The following ABCA9 variants were observed in gnomAD, a reference collection of about 807,000 sequenced individuals.
ABCA9 encodes the protein ATP-binding cassette sub-family A member 9.
ABCA9 carries 183 observed loss-of-function variants against 205.3 expected under a neutral mutation model. That is an observed-to-expected ratio of 0.89 (90% confidence interval 0.79 to 1.01). The LOEUF (loss-of-function observed/expected upper bound fraction) is 1.01. Ranked by LOEUF, ABCA9 falls within the 50% of genes least tolerant of loss-of-function variation. ABCA9 has a pLI of 0.00. For missense variants in ABCA9, 1,805 were observed against 1,912.4 expected (o/e 0.94, Z 1.05); for synonymous variants, 651 against 683.3 (o/e 0.95, Z 0.74).
chr17:69,026,585 C>G (rs2070995528), intron 15 of ABCA9, 118 bp from the exon 16 acceptor site: 3 of 934,656 alleles, frequency 3.2e-6, no homozygotes, highest in Admixed American at 2.3e-5. Flanking sequence ...TAGATATACT[C>G]TAATTCTGGC....
At chr17:69,005,386 T>G (rs548557907) in intron 25 of ABCA9, among the ~76,000 whole-genome samples, 2 of 152,332 alleles carry the variant, frequency 1.3e-5, no homozygotes, top group South Asian at 4.1e-4. Flanking sequence ...CACAGTCCAA[T>G]TCAGTCCAGA....
the ABCA9 span, among the ~76,000 whole-genome samples, chr17:69,067,342 T>C: frequency 6.6e-6 from 1 of 151,722 alleles, no homozygotes; most frequent in Admixed American, 6.6e-5. Context: ...AGTCCAGAAG[T>C]TCAGACCAGC....
In ABCA9 at chr17:68,985,123, A is replaced by C. The variant is rs968853350; in HGVS notation, c.4214T>G (p.Val1405Gly). 1 of 1,614,082 alleles carries C rather than the reference A, an allele frequency of 6.2e-7. No individual in the cohort carries two copies. The highest frequency in any genetic ancestry group is 1.3e-5 in the African/African-American group (1 of 74,936). Reference protein sequence around the residue: ...GDAMIAITRLVDALKLQDQLK... With the variant: ...GDAMIAITRLGDALKLQDQLK... ...CTGGTCCTGCAGCTTGAGCGCATCC[A>C]CTAACCTGAAGAAAACAGAGTCAAT... The change falls in exon 33 of 39, where the codon GTG becomes GGG. Residue 1405 changes from valine (V) to glycine (G), a missense_variant. Transcript: ENST00000340001.
chr17:69,051,400 T>G, intron 1 of ABCA9: 1 of 405,970 alleles, frequency 2.5e-6, no homozygotes, highest in Non-Finnish European at 4.4e-6. Context: ...GTGTCGATCG[T>G]TGCTATCTCC....
chr17:68,991,043 T>C, intron 28 of ABCA9, 86 bp from the exon 29 acceptor site: 1 of 1,467,712 alleles, frequency 6.8e-7, no homozygotes, highest in Non-Finnish European at 9.2e-7. Context: ...ACTTCCAATT[T>C]TTGGAGTAGA....
At chr17:69,060,411 C>A (rs915404967) in intron 1 of ABCA9, among the ~76,000 whole-genome samples, 3 of 152,100 alleles carry the variant, frequency 2.0e-5, no homozygotes, top group Non-Finnish European at 2.9e-5. Context: ...CAATAAAAAT[C>A]TTTCCTTAAG....
chr17:68,996,099 TA>T lies in ABCA9; in HGVS notation c.3436-86del, dbSNP rs952354342. ...TTCTAAGAGGGTGGGAATTCATTTA[TA>T]AACGTTGTTATTTTCAATTTCACTC... On this transcript the variant is annotated intron_variant, in intron 25 of 38. Coordinates refer to ENST00000340001, the MANE Select transcript of ABCA9 (RefSeq NM_080283.4). 6.3e-6 allele frequency: 9 copies of T among 1,417,770 alleles called. No individual in the cohort carries two copies. The African/African-American group carries it at 1.3e-4, about 20-fold the overall frequency. The allele number at this position is 1,417,770 out of a possible 1,614,324, so 87.8% of individuals were successfully genotyped here.
At chr17:69,004,964 C>T (rs889801264) in intron 25 of ABCA9, among the ~76,000 whole-genome samples, 2 of 152,206 alleles carry the variant, frequency 1.3e-5, no homozygotes, top group Non-Finnish European at 2.9e-5. Flanking sequence ...GAGGCAATGC[C>T]TCGCCCTGCT....
At chr17:69,039,051 A>C (rs1054091168) in intron 6 of ABCA9, among the ~76,000 whole-genome samples, 1 of 152,222 alleles carries the variant, frequency 6.6e-6, no homozygotes, top group Non-Finnish European at 1.5e-5. Flanking sequence ...TAACTGCTCA[A>C]GGAAATAAAA....
chr17:69,046,696 T>C (rs181975470), intron 3 of ABCA9, among the ~76,000 whole-genome samples: 1 of 151,640 alleles, frequency 6.6e-6, no homozygotes, highest in African/African-American at 2.4e-5. Context: ...CACAATAGGC[T>C]GAGTATCTCT....
At chr17:69,046,875 C>CTATATATATA (rs71144650) in intron 3 of ABCA9, among the ~76,000 whole-genome samples, 255 of 127,666 alleles carry the variant, frequency 2.0e-3, no homozygotes, top group African/African-American at 6.1e-3. Context: ...CGATTTTATA[C>CTATATATATA]TATATATATA....
At chr17:69,029,347 C>A in intron 10 of ABCA9, 120 bp from the exon 11 acceptor site, 1 of 589,576 alleles carries the variant, frequency 1.7e-6, no homozygotes, top group Non-Finnish European at 2.9e-6. Flanking sequence ...TCTTGTAAAG[C>A]CTCAAAGAAA....
intron 19 of ABCA9, among the ~76,000 whole-genome samples, chr17:69,019,721 ATGAT>A (rs2070751521): frequency 6.6e-6 from 1 of 152,166 alleles, no homozygotes; most frequent in Non-Finnish European, 1.5e-5. Flanking sequence ...AGTGTTCCTG[ATGAT>A]AAGGCTGAAG....
intron 9 of ABCA9, chr17:69,033,138 CT>C (rs2071209368): frequency 6.6e-6 from 1 of 151,948 alleles, no homozygotes; most frequent in East Asian, 1.9e-4. Flanking sequence ...GAAACCTCGT[CT>C]CCACTGAAAA....
intron 26 of ABCA9, among the ~76,000 whole-genome samples, chr17:68,994,001 G>A (rs1240424677): frequency 2.0e-5 from 3 of 152,000 alleles, no homozygotes; most frequent in African/African-American, 7.3e-5. Context: ...TCAGCTTCCC[G>A]AGTAGTTTGG....
Position 68,995,978 on chromosome 17 carries a change from C to T in ABCA9, c.3472G>A (p.Glu1158Lys). The change falls in exon 26 of 39, where the codon GAA (glutamate) becomes AAA (lysine). Residue 1158 changes from glutamate (E) to lysine (K), a missense_variant. Coordinates refer to ENST00000340001, the MANE Select transcript of ABCA9 (RefSeq NM_080283.4). ...AAAAATAGCCCTAGAAATCCATATT[C>T]ATTTAGATCAGTAGCAACTATCGAG... ...IFSIVATDLN[E>K]YGFLGLFFGT... 1 of 1,613,710 alleles carries T rather than the reference C, an allele frequency of 6.2e-7. No homozygotes were observed. The highest frequency in any genetic ancestry group is 1.1e-5 in the South Asian group (1 of 91,066).
At chr17:69,005,988 A>C (rs1418750183) in intron 25 of ABCA9, among the ~76,000 whole-genome samples, 1 of 152,162 alleles carries the variant, frequency 6.6e-6, no homozygotes, top group African/African-American at 2.4e-5. Context: ...TAATTTCCTC[A>C]TTTTAAAAAT....
intron 27 of ABCA9, 86 bp downstream of exon 27, chr17:68,992,930 T>C (rs2069502806): frequency 2.6e-6 from 3 of 1,138,252 alleles, no homozygotes; most frequent in Non-Finnish European, 3.9e-6. Flanking sequence ...CCAAACCTTC[T>C]TAATTTGATG....
chr17:69,022,947 T>G (rs1453792524), intron 17 of ABCA9, among the ~76,000 whole-genome samples: 1 of 152,246 alleles, frequency 6.6e-6, no homozygotes, highest in Non-Finnish European at 1.5e-5. Context: ...TTCTCCAAAT[T>G]TCTCATCCAC....
Sources: allele counts gnomAD v4.1 joint callset (sites outside exome capture counted in the v4.1 genomes callset), GRCh38; gene constraint gnomAD v4.1.1; transcripts MANE v1.5; gene names NCBI Gene and HGNC (gene_info 2026-07-23, HGNC 2026-07-21).